NAALADL2: variants seen among roughly 807,000 people sequenced by gnomAD.
NAALADL2 encodes the protein N-acetylated alpha-linked acidic dipeptidase like 2.
In NAALADL2, 76 loss-of-function variants were observed where a neutral mutation model predicts 87.2. The observed-to-expected ratio is 0.87, with a 90% CI of 0.72 to 1.05. NAALADL2 has a LOEUF of 1.05. Ranked by LOEUF, NAALADL2 falls within the 50% of genes least tolerant of loss-of-function variation. The probability of loss-of-function intolerance (pLI) is 0.00; values close to 1 mark genes in which losing one functional copy is unlikely to be tolerated. For missense variants in NAALADL2, 1,089 were observed against 945.8 expected, an observed-to-expected ratio of 1.15 and a Z score of -1.99; for synonymous variants, 354 against 331.0, an observed-to-expected ratio of 1.07 and a Z score of -0.75.
chr3:175,248,347 G>C (rs1748388655), intron 3 of NAALADL2, among the ~76,000 whole-genome samples: 1 of 152,210 alleles, frequency 6.6e-6, no homozygotes, highest in Admixed American at 6.5e-5. Context: ...ACTTGTAACA[G>C]TGCTGGGTAT....
intron 1 of NAALADL2, among the ~76,000 whole-genome samples, chr3:174,901,428 A>C (rs980192576): frequency 6.6e-6 from 1 of 152,208 alleles, no homozygotes. Context: ...GGTGATTAAC[A>C]TGAAGTAGGC....
chr3:174,578,836 C>T (rs1202018436), intron 2 of NAALADL2, among the ~76,000 whole-genome samples: 1 of 151,862 alleles, frequency 6.6e-6, no homozygotes, highest in Non-Finnish European at 1.5e-5. Flanking sequence ...TTCATCAAAA[C>T]TAAATATAAA....
At chr3:174,933,105 G>A (rs569400476) in intron 1 of NAALADL2, among the ~76,000 whole-genome samples, 1 of 152,288 alleles carries the variant, frequency 6.6e-6, no homozygotes, top group South Asian at 2.1e-4. Context: ...CAACAAGAGT[G>A]AAAGGCCATC....
rs537734368 is a variant in NAALADL2, at chr3:175,419,713, A to G, written c.1091-27516A>G. Among the ~76,000 whole-genome samples, 36 of 152,062 alleles carry G rather than the reference A, an allele frequency of 2.4e-4. No individual in the cohort carries two copies. The South Asian group carries it at 5.6e-3, about 24-fold the overall frequency. On this transcript the variant is annotated intron_variant, in intron 5 of 13. Coordinates refer to ENST00000454872, the MANE Select transcript of NAALADL2 (RefSeq NM_207015.3). ...CCCATTTTCCCATGATGACCTAGAT[A>G]TAAGTATTTAAGAAATTTCTGCTGA...
intron 3 of NAALADL2, among the ~76,000 whole-genome samples, chr3:174,810,828 T>G (rs1720094850): frequency 1.3e-5 from 2 of 152,216 alleles, no homozygotes; most frequent in South Asian, 2.1e-4. Context: ...TTCACAGAAC[T>G]TCATGGCTAC....
At chr3:175,458,143 T>C (rs1164068254) in intron 6 of NAALADL2, among the ~76,000 whole-genome samples, 1 of 152,114 alleles carries the variant, frequency 6.6e-6, no homozygotes, top group African/African-American at 2.4e-5. Context: ...CTGTGCCAGC[T>C]GTTATCAGCC....
chr3:175,400,857 A>G (rs2149057663), intron 5 of NAALADL2, among the ~76,000 whole-genome samples: 1 of 152,252 alleles, frequency 6.6e-6, no homozygotes, highest in Admixed American at 6.6e-5. Context: ...AGAACTCTCC[A>G]AGCAGCTATT....
At chr3:174,976,316 C>A (rs1221723437) in intron 1 of NAALADL2, among the ~76,000 whole-genome samples, 1 of 151,912 alleles carries the variant, frequency 6.6e-6, no homozygotes, top group Non-Finnish European at 1.5e-5. Context: ...GTCTATAGTC[C>A]TCATAGTATT....
At chr3:174,678,927 T>G (rs757105345) in intron 2 of NAALADL2, among the ~76,000 whole-genome samples, 7 of 152,242 alleles carry the variant, frequency 4.6e-5, no homozygotes, top group Non-Finnish European at 1.0e-4. Context: ...ATTTAAAGTT[T>G]ATCTACTTTT....
chr3:175,022,209 T>A (rs1358896677), intron 1 of NAALADL2, among the ~76,000 whole-genome samples: 1 of 152,048 alleles, frequency 6.6e-6, no homozygotes, highest in Non-Finnish European at 1.5e-5. Context: ...AATAAACCTC[T>A]TTTCTTTATG....
intron 4 of NAALADL2, 41 bp from the exon 5 acceptor site, chr3:175,324,134 G>A (rs1441092186): frequency 3.2e-6 from 5 of 1,581,248 alleles, no homozygotes; most frequent in African/African-American, 2.7e-5. Flanking sequence ...AACTTTTAAT[G>A]TGCATGATAA....
At chr3:175,024,993 G>C (rs959738163) in intron 1 of NAALADL2, among the ~76,000 whole-genome samples, 21 of 152,082 alleles carry the variant, frequency 1.4e-4, no homozygotes, top group African/African-American at 5.1e-4. Context: ...ATGTCTAAAA[G>C]TATCTGTTAC....
chr3:175,447,260 C>T lies in NAALADL2; in HGVS notation c.1122C>T (p.Leu374=). ...DESFRQSRSN[L]TSLLVQPISA... ...GTTTTAGACAAAGCCGATCAAACCT[C>T]ACCTCTCTATTAGTGCAGCCCATCT... The change falls in exon 6 of 14, where the codon CTC becomes CTT. Residue 374 remains leucine (L), a synonymous_variant. Transcript: ENST00000454872. 6.2e-7 allele frequency: 1 copy of T among 1,602,190 alleles called. No individual in the cohort carries two copies. Among genetic ancestry groups the T allele is most frequent in the Non-Finnish European group, 8.5e-7 (1 of 1,175,242 alleles).
intron 2 of NAALADL2, among the ~76,000 whole-genome samples, chr3:174,688,350 TA>T (rs1415806831): frequency 6.6e-5 from 10 of 152,018 alleles, no homozygotes; most frequent in Admixed American, 6.6e-4. Context: ...CTGTAAATGT[TA>T]GCTATTATTA....
At chr3:175,207,929 A>G (rs1399775827) in intron 2 of NAALADL2, among the ~76,000 whole-genome samples, 1 of 152,164 alleles carries the variant, frequency 6.6e-6, no homozygotes, top group Non-Finnish European at 1.5e-5. Context: ...CATAGAATCA[A>G]TGACTTGAGG....
intron 1 of NAALADL2, among the ~76,000 whole-genome samples, chr3:174,530,612 A>T (rs1721153734): frequency 6.6e-6 from 1 of 152,240 alleles, no homozygotes; most frequent in Non-Finnish European, 1.5e-5. Flanking sequence ...GAGGCCTCAC[A>T]ATCACAGCAG....
intron 6 of NAALADL2, among the ~76,000 whole-genome samples, chr3:175,460,440 CT>C (rs1208927144): frequency 6.6e-6 from 1 of 152,064 alleles, no homozygotes; most frequent in Non-Finnish European, 1.5e-5. Context: ...TAAGGAAGTC[CT>C]TCTGTCAGTT....
chr3:174,960,544 ACTAT>A (rs1741825711), intron 1 of NAALADL2, among the ~76,000 whole-genome samples: 1 of 152,018 alleles, frequency 6.6e-6, no homozygotes. Context: ...ATAATCTGGG[ACTAT>A]CTAATTATAA....
intron 2 of NAALADL2, among the ~76,000 whole-genome samples, chr3:175,161,349 G>A (rs537989152): frequency 2.0e-5 from 3 of 152,092 alleles, no homozygotes; most frequent in Admixed American, 6.6e-5. Flanking sequence ...AAAGATGGGT[G>A]TGGAGGAAAT....
Sources: gnomAD v4.1 joint callset for allele counts (sites outside exome capture counted in the v4.1 genomes callset) on GRCh38, gnomAD v4.1.1 for gene constraint, MANE v1.5 for transcripts, NCBI Gene and HGNC (gene_info 2026-07-23, HGNC 2026-07-21) for gene names.